The following GRAMD4 variants were observed in gnomAD, a reference collection of about 807,000 sequenced individuals.
The protein encoded by GRAMD4 is GRAM domain-containing protein 4.
Under a neutral mutation model 83.9 loss-of-function variants are expected in GRAMD4, and 25 were observed. That is an observed-to-expected ratio of 0.30 (90% CI 0.22 to 0.42). The LOEUF is 0.42. Among genes scored for constraint, GRAMD4 ranks in the 10% least tolerant of loss-of-function variants. The pLI, the probability that GRAMD4 is intolerant of heterozygous loss-of-function variation, is 1.00. For synonymous variants in GRAMD4, 336 were observed against 320.9 expected, an observed-to-expected ratio of 1.05 and a Z score of -0.50; for missense variants, 593 against 788.7, an observed-to-expected ratio of 0.75 and a Z score of 2.97.
At chr22:46,643,045 G>GGA (rs2081997538) in intron 3 of GRAMD4, among the ~76,000 whole-genome samples, 1 of 4,644 alleles carries the variant, frequency 2.2e-4, no homozygotes, top group Non-Finnish European at 5.0e-4. Flanking sequence ...GGATCCATCC[G>GGA]TCCATCCACC....
chr22:46,641,559 T>C (rs894862932), intron 3 of GRAMD4, among the ~76,000 whole-genome samples: 1 of 152,104 alleles, frequency 6.6e-6, no homozygotes, highest in African/African-American at 2.4e-5. Context: ...GCGTCACACT[T>C]TTTGTCCTTG....
chr22:46,577,392 T>A, intron 1 of GRAMD4: 3 of 465,502 alleles, frequency 6.4e-6, no homozygotes, highest in Non-Finnish European at 7.1e-6. Flanking sequence ...TCGGCCGCGC[T>A]CTCCCCGCCG....
chr22:46,626,273 C>T (rs543699838), intron 1 of GRAMD4, among the ~76,000 whole-genome samples: 7 of 152,350 alleles, frequency 4.6e-5, no homozygotes, highest in South Asian at 2.1e-4. Context: ...ATGTGGCCGT[C>T]GTGTTGACCA....
exon 1 of GRAMD4, chr22:46,577,141 C>A: frequency 3.6e-6 from 1 of 274,360 alleles, no homozygotes; most frequent in Non-Finnish European, 5.4e-6. Context: ...GCCGCCTCCG[C>A]GCTCGTGGCC....
At chr22:46,633,782 G>A (rs1321509861) in intron 2 of GRAMD4, among the ~76,000 whole-genome samples, 2 of 152,220 alleles carry the variant, frequency 1.3e-5, no homozygotes, top group Non-Finnish European at 2.9e-5. Context: ...TGTCCATGGG[G>A]TGTAGGCAGG....
chr22:46,595,556 C>T (rs941709531), intron 1 of GRAMD4, among the ~76,000 whole-genome samples: 12 of 152,314 alleles, frequency 7.9e-5, no homozygotes, highest in Admixed American at 6.5e-4. Flanking sequence ...AAACAGGCGC[C>T]CCTCAAGGCA....
At chr22:46,635,230 G>A (rs1249465715) in intron 2 of GRAMD4, among the ~76,000 whole-genome samples, 33 of 114,918 alleles carry the variant, frequency 2.9e-4, no homozygotes, top group South Asian at 5.9e-4. Context: ...GGGGGACCGT[G>A]TCCTCCCTGC....
intron 3 of GRAMD4, among the ~76,000 whole-genome samples, chr22:46,655,499 TG>T (rs1259917780): frequency 1.3e-5 from 2 of 152,150 alleles, no homozygotes; most frequent in African/African-American, 2.4e-5. Context: ...TGGATGGATC[TG>T]GGATCTTGGA....
At chr22:46,610,936 C>T (rs532852760) in intron 1 of GRAMD4, among the ~76,000 whole-genome samples, 44 of 152,246 alleles carry the variant, frequency 2.9e-4, no homozygotes, top group South Asian at 6.2e-4. Flanking sequence ...CTTTGCAGGC[C>T]GGGAGTGGTG....
chr22:46,678,175 C>T lies in GRAMD4; in HGVS notation c.*924C>T. ...GCACATGGCCCCCAGGCTGCGGTTG[C>T]CTGGGTTGGTTGGGGGAGGAAGTGG... is the stretch of plus-strand genomic sequence containing the variant. On this transcript the variant is annotated 3_prime_UTR_variant, in exon 19 of 19. Transcript: ENST00000406902. 1 of 985,322 alleles carries T rather than the reference C, an allele frequency of 1.0e-6. No homozygotes were observed. 61.0% of individuals were successfully genotyped at this position (985,322 alleles called of 1,614,324 possible).
At chr22:46,645,270 A>G (rs1042805540) in intron 3 of GRAMD4, among the ~76,000 whole-genome samples, 1 of 151,912 alleles carries the variant, frequency 6.6e-6, no homozygotes, top group African/African-American at 2.4e-5. Context: ...TCCCATTCTC[A>G]CTCCCATCTC....
At chr22:46,667,391 C>G (rs183624705) in intron 10 of GRAMD4, among the ~76,000 whole-genome samples, 55 of 152,362 alleles carry the variant, frequency 3.6e-4, no homozygotes, top group African/African-American at 1.3e-3. Context: ...CACTGCCTAA[C>G]TTTGTAAATA....
intron 17 of GRAMD4, 114 bp downstream of exon 17, chr22:46,675,666 C>T (rs1245183928): frequency 3.6e-5 from 27 of 743,692 alleles, no homozygotes; most frequent in Admixed American, 1.1e-4. Flanking sequence ...CTGGGCGCCG[C>T]GGCCACGCTG....
intron 8 of GRAMD4, among the ~76,000 whole-genome samples, chr22:46,664,555 GTGCCAGGGCCCACAT>G (rs2082379485): frequency 6.6e-6 from 1 of 152,214 alleles, no homozygotes; most frequent in Admixed American, 6.5e-5. Flanking sequence ...GGATTGGAGG[GTGCCAGGGCCCACAT>G]TGCCAGGGCC....
intron 1 of GRAMD4, among the ~76,000 whole-genome samples, chr22:46,603,716 A>G (rs560435502): frequency 6.3e-4 from 78 of 123,310 alleles, no homozygotes; most frequent in African/African-American, 1.0e-3. Context: ...CGGGGTTTCA[A>G]TGTGTTAGCC....
At chr22:46,639,722 CAT>C (rs1401257969) in intron 3 of GRAMD4, among the ~76,000 whole-genome samples, 11 of 152,120 alleles carry the variant, frequency 7.2e-5, no homozygotes, top group African/African-American at 2.2e-4. Flanking sequence ...TGTGTGTACA[CAT>C]GTGTATATCC....
At chr22:46,577,733 C>A (rs541491920) in intron 1 of GRAMD4, among the ~76,000 whole-genome samples, 1 of 152,204 alleles carries the variant, frequency 6.6e-6, no homozygotes, top group African/African-American at 2.4e-5. Context: ...TGCTTCCCTA[C>A]AGACGACCTC....
At chr22:46,615,990 G>T (rs1181987507), upstream of GRAMD4, among the ~76,000 whole-genome samples, 6 of 115,066 alleles carry the variant, frequency 5.2e-5, no homozygotes, top group African/African-American at 2.1e-4. Context: ...CTGTGCTTGT[G>T]GGTTCCCCCG....
At chr22:46,635,973 G>A (rs1237452021) in intron 2 of GRAMD4, among the ~76,000 whole-genome samples, 2 of 152,166 alleles carry the variant, frequency 1.3e-5, no homozygotes, top group East Asian at 1.9e-4. Flanking sequence ...GTGTGGGAGC[G>A]CCCAGGCCCT....
Sources: allele counts gnomAD v4.1 joint callset (sites outside exome capture counted in the v4.1 genomes callset), GRCh38; gene constraint gnomAD v4.1.1; transcripts MANE v1.5; gene names NCBI Gene and HGNC (gene_info 2026-07-23, HGNC 2026-07-21).